COX16: variants seen among roughly 807,000 people sequenced by gnomAD.
The protein encoded by COX16 is cytochrome c oxidase assembly factor COX16.
COX16 carries 12 observed loss-of-function variants against 15.4 expected under a neutral mutation model. That is an observed-to-expected ratio of 0.78 (90% CI 0.50 to 1.26). The LOEUF (loss-of-function observed/expected upper bound fraction) is 1.26, where lower values mean the gene tolerates loss of function less well. Ranked by LOEUF, COX16 falls within the 50% of genes most tolerant of loss-of-function variation. COX16 has a pLI of 0.00. For missense variants in COX16, 124 were observed against 127.6 expected (o/e 0.97, Z 0.14); for synonymous variants, 46 against 41.1 (o/e 1.12, Z -0.46).
chr14:70,338,009 ACT>A (rs1421332838), intron 2 of COX16, among the ~76,000 whole-genome samples: 1 of 152,214 alleles, frequency 6.6e-6, no homozygotes, highest in Non-Finnish European at 1.5e-5. Flanking sequence ...CATAAAGAAA[ACT>A]CGGCAAAAGC....
chr14:70,346,590 T>C (rs930881737), intron 1 of COX16, among the ~76,000 whole-genome samples: 2 of 152,210 alleles, frequency 1.3e-5, no homozygotes, highest in African/African-American at 2.4e-5. Flanking sequence ...CCGCTGAAGA[T>C]TGATGGTGCC....
chr14:70,326,894 T>C (rs1289449588), intron 3 of COX16, among the ~76,000 whole-genome samples: 2 of 152,182 alleles, frequency 1.3e-5, no homozygotes, highest in Admixed American at 6.5e-5. Context: ...TCATTTGTCT[T>C]ACGCCTGGGC....
At chr14:70,342,959 G>A (rs939416053) in intron 1 of COX16, among the ~76,000 whole-genome samples, 2 of 152,068 alleles carry the variant, frequency 1.3e-5, no homozygotes, top group Admixed American at 6.5e-5. Flanking sequence ...CCCTATACCT[G>A]TATTTGACCT....
chr14:70,353,556 C>T (rs549341232), intron 1 of COX16, among the ~76,000 whole-genome samples: 63 of 151,908 alleles, frequency 4.1e-4, no homozygotes, highest in African/African-American at 1.5e-3. Flanking sequence ...CATTGTCACC[C>T]AGGCTGGAGT....
At position 70,359,545 on chromosome 14, in the gene COX16, T is replaced by A; in HGVS notation, c.43A>T (p.Thr15Ser). The A allele has an allele frequency of 1.2e-6, 2 of 1,613,954 alleles. No individual in the cohort carries two copies. Among genetic ancestry groups the A allele is most frequent in the South Asian group, 2.2e-5 (2 of 91,062 alleles). Residue 15 changes from threonine (T) to serine (S), a missense_variant, in exon 1 of 4, where the codon ACT (threonine) becomes TCT (serine). Thr to Ser is a moderately conservative substitution (Grantham distance 58). Coordinates refer to ENST00000389912, the MANE Select transcript of COX16 (RefSeq NM_016468.7). ...AVMRAFRKNK[T>S]LGYGVPMLLL... is the part of the protein sequence containing the mutation. ...AACATGGGGACTCCATAGCCGAGAGTCTTGTTCTTGCGAAAAGCACGCATC... is the reference window on the plus strand; with the variant it reads ...AACATGGGGACTCCATAGCCGAGAGACTTGTTCTTGCGAAAAGCACGCATC...
chr14:70,356,023 C>CT (rs1432824585), intron 1 of COX16, among the ~76,000 whole-genome samples: 1 of 152,128 alleles, frequency 6.6e-6, no homozygotes, highest in East Asian at 1.9e-4. Context: ...TTGAGGCCCG[C>CT]ACCAGAAGCA....
chr14:70,326,859 C>A (rs772289811), intron 3 of COX16, among the ~76,000 whole-genome samples: 3 of 152,002 alleles, frequency 2.0e-5, no homozygotes, highest in Non-Finnish European at 4.4e-5. Context: ...CTAAAGTCTT[C>A]TACAAAAAAG....
chr14:70,341,081 T>G (rs1886610374), intron 2 of COX16, among the ~76,000 whole-genome samples: 1 of 152,182 alleles, frequency 6.6e-6, no homozygotes, highest in Non-Finnish European at 1.5e-5. Context: ...TTCAAATATA[T>G]ACTTATTTTC....
At chr14:70,345,813 A>G (rs1184150467) in intron 1 of COX16, among the ~76,000 whole-genome samples, 5 of 151,094 alleles carry the variant, frequency 3.3e-5, no homozygotes, top group Admixed American at 6.6e-5. Flanking sequence ...TCCCGACCCT[A>G]CCTCATTTTT....
intron 2 of COX16, among the ~76,000 whole-genome samples, chr14:70,342,214 G>A (rs1886644737): frequency 6.6e-6 from 1 of 152,166 alleles, no homozygotes; most frequent in Non-Finnish European, 1.5e-5. Context: ...GAAGGCCAAG[G>A]CGGGTGGATC....
chr14:70,334,690 A>T (rs556961221), intron 2 of COX16, among the ~76,000 whole-genome samples: 4 of 152,356 alleles, frequency 2.6e-5, no homozygotes, highest in African/African-American at 9.6e-5. Flanking sequence ...AGGTAACTGC[A>T]AAGCAAAAAT....
At chr14:70,349,109 T>C (rs1163891375) in intron 1 of COX16, among the ~76,000 whole-genome samples, 1 of 152,160 alleles carries the variant, frequency 6.6e-6, no homozygotes, top group African/African-American at 2.4e-5. Context: ...CCCCAACACT[T>C]TCCATGTTGG....
At chr14:70,327,120 C>A (rs963866381) in intron 3 of COX16, among the ~76,000 whole-genome samples, 13 of 151,946 alleles carry the variant, frequency 8.6e-5, no homozygotes, top group African/African-American at 3.1e-4. Flanking sequence ...TACATATCTG[C>A]TGTTTTGGTT....
At chr14:70,343,833 G>T (rs181581759) in intron 1 of COX16, among the ~76,000 whole-genome samples, 5 of 152,340 alleles carry the variant, frequency 3.3e-5, no homozygotes, top group Admixed American at 3.3e-4. Flanking sequence ...GATTTATCAA[G>T]ACAGGGGAAT....
At chr14:70,338,236 C>T (rs571831694) in intron 2 of COX16, among the ~76,000 whole-genome samples, 13 of 152,162 alleles carry the variant, frequency 8.5e-5, no homozygotes, top group Non-Finnish European at 1.8e-4. Context: ...AGATCAGCCT[C>T]CGAGTAGCTG....
intron 1 of COX16, among the ~76,000 whole-genome samples, chr14:70,354,167 TAATA>T (rs1169670275): frequency 9.6e-4 from 146 of 151,624 alleles, no homozygotes; most frequent in Non-Finnish European, 4.4e-5. Context: ...ACAATAATAA[TAATA>T]AATAAAACTT....
chr14:70,348,178 A>G (rs1310920303), intron 1 of COX16, among the ~76,000 whole-genome samples: 2 of 152,298 alleles, frequency 1.3e-5, no homozygotes, highest in East Asian at 3.9e-4. Flanking sequence ...CACTGGAGGC[A>G]GCTGCTGTCT....
intron 2 of COX16, among the ~76,000 whole-genome samples, chr14:70,334,397 C>T (rs1383917274): frequency 6.6e-6 from 1 of 152,112 alleles, no homozygotes; most frequent in Non-Finnish European, 1.5e-5. Flanking sequence ...GTGGTGCGCA[C>T]CTGTAGTCCC....
intron 2 of COX16, among the ~76,000 whole-genome samples, chr14:70,336,901 A>G (rs1886472736): frequency 6.6e-6 from 1 of 152,234 alleles, no homozygotes; most frequent in Admixed American, 6.5e-5. Flanking sequence ...TTGCAAAACA[A>G]AATAATCAAC....
Sources: gnomAD v4.1 joint callset for allele counts (sites outside exome capture counted in the v4.1 genomes callset) on GRCh38, gnomAD v4.1.1 for gene constraint, MANE v1.5 for transcripts, NCBI Gene and HGNC (gene_info 2026-07-23, HGNC 2026-07-21) for gene names.